Variants in SLCO3A1 observed in about 807,000 individuals in gnomAD.
SLCO3A1 encodes PGE1 transporter.
In SLCO3A1, 27 loss-of-function variants were observed where a neutral mutation model predicts 63.1. The ratio of observed to expected loss-of-function variants is 0.43; its 90% confidence interval spans 0.32 to 0.59. The LOEUF (loss-of-function observed/expected upper bound fraction) is 0.59, where lower values mean the gene tolerates loss of function less well. SLCO3A1 is among the 20% of genes least tolerant of loss of function. SLCO3A1 has a pLI of 0.09. For synonymous variants in SLCO3A1, 473 were observed against 409.9 expected (o/e 1.15, Z -1.86); for missense variants, 773 against 945.8 (o/e 0.82, Z 2.40).
chr15:91,952,021 T>C (rs1367293801), intron 2 of SLCO3A1, among the ~76,000 whole-genome samples: 3 of 152,212 alleles, frequency 2.0e-5, no homozygotes, highest in Non-Finnish European at 4.4e-5. Context: ...GTAATGTGGA[T>C]TCTTCACAGC....
intron 2 of SLCO3A1, among the ~76,000 whole-genome samples, chr15:92,048,629 C>G (rs528599385): frequency 6.6e-6 from 1 of 152,268 alleles, no homozygotes; most frequent in Non-Finnish European, 1.5e-5. Flanking sequence ...GTAACCCGTC[C>G]TCTCCCTGCA....
chr15:92,130,600 C>T (rs1336140838), intron 7 of SLCO3A1, among the ~76,000 whole-genome samples: 1 of 152,124 alleles, frequency 6.6e-6, no homozygotes, highest in African/African-American at 2.4e-5. Context: ...GCCTTAAAAA[C>T]AACCACAACC....
chr15:92,095,740 CTT>C (rs2047530728), intron 3 of SLCO3A1, among the ~76,000 whole-genome samples: 1 of 151,646 alleles, frequency 6.6e-6, no homozygotes, highest in Admixed American at 6.6e-5. Context: ...GTCAGGGAGA[CTT>C]GGCTCATCGT....
At chr15:92,144,718 G>A (rs148701005) in intron 7 of SLCO3A1, among the ~76,000 whole-genome samples, 12 of 152,320 alleles carry the variant, frequency 7.9e-5, no homozygotes, top group East Asian at 5.8e-4. Flanking sequence ...TCCAGCTCCC[G>A]TCCTTGCAGG....
At chr15:91,953,996 TA>T (rs1359233180) in intron 2 of SLCO3A1, among the ~76,000 whole-genome samples, 1 of 152,184 alleles carries the variant, frequency 6.6e-6, no homozygotes, top group East Asian at 1.9e-4. Context: ...TGTTTTTAAA[TA>T]GGGGTATGTC....
chr15:92,076,445 G>T (rs1366995212), intron 2 of SLCO3A1, among the ~76,000 whole-genome samples: 1 of 152,174 alleles, frequency 6.6e-6, no homozygotes, highest in African/African-American at 2.4e-5. Flanking sequence ...TAGGATTTCT[G>T]CTTTATCCTG....
intron 2 of SLCO3A1, among the ~76,000 whole-genome samples, chr15:92,013,247 G>T (rs1189140363): frequency 1.3e-5 from 2 of 152,258 alleles, no homozygotes; most frequent in East Asian, 1.9e-4. Flanking sequence ...TTACTCATCA[G>T]TTCTCTCGGC....
intron 4 of SLCO3A1, among the ~76,000 whole-genome samples, chr15:92,109,223 T>A (rs1005163898): frequency 6.6e-6 from 1 of 152,116 alleles, no homozygotes; most frequent in Admixed American, 6.6e-5. Context: ...GGCTTGTAGA[T>A]GGAAGGGAAA....
At chr15:91,904,580 C>T (rs1366656460) in intron 1 of SLCO3A1, among the ~76,000 whole-genome samples, 1 of 152,118 alleles carries the variant, frequency 6.6e-6, no homozygotes, top group Non-Finnish European at 1.5e-5. Flanking sequence ...TGTTTTGTGC[C>T]TGAGATACAC....
chr15:91,904,065 G>A (rs961214436), intron 1 of SLCO3A1, among the ~76,000 whole-genome samples: 2 of 131,608 alleles, frequency 1.5e-5, no homozygotes, highest in African/African-American at 5.9e-5. Flanking sequence ...GGGAGGGAGG[G>A]CCACGCTTTT....
intron 7 of SLCO3A1, among the ~76,000 whole-genome samples, chr15:92,140,583 C>A (rs182022996): frequency 1.1e-3 from 172 of 152,252 alleles, no homozygotes; most frequent in African/African-American, 3.9e-3. Flanking sequence ...TGGGGTGTTA[C>A]AAGTCTCCCA....
chr15:92,041,926 G>C (rs1055135823), intron 2 of SLCO3A1, among the ~76,000 whole-genome samples: 1 of 152,120 alleles, frequency 6.6e-6, no homozygotes, highest in African/African-American at 2.4e-5. Context: ...TTGGAGGGTT[G>C]GCAGGAAGTA....
chr15:92,111,598 G>T (rs1178941575), intron 4 of SLCO3A1, among the ~76,000 whole-genome samples: 1 of 152,188 alleles, frequency 6.6e-6, no homozygotes, highest in Non-Finnish European at 1.5e-5. Context: ...ACTGGCTTAA[G>T]TTCTTATCAA....
At chr15:91,877,346 T>C (rs1398191449) in intron 1 of SLCO3A1, among the ~76,000 whole-genome samples, 2 of 152,228 alleles carry the variant, frequency 1.3e-5, no homozygotes. Context: ...GATGTTCGTG[T>C]TCTTTGAAGC....
intron 8 of SLCO3A1, chr15:92,149,862 C>T (rs1241769778): frequency 2.0e-5 from 3 of 152,160 alleles, no homozygotes; most frequent in Non-Finnish European, 2.9e-5. Flanking sequence ...GAGAATTTGT[C>T]TCTATTTATG....
At chr15:92,009,898 T>C (rs771200265) in intron 2 of SLCO3A1, among the ~76,000 whole-genome samples, 3 of 152,172 alleles carry the variant, frequency 2.0e-5, no homozygotes, top group Admixed American at 1.3e-4. Context: ...ATTCATCCAA[T>C]AGAGGCATTT....
intron 4 of SLCO3A1, among the ~76,000 whole-genome samples, chr15:92,120,163 T>G (rs1015573330): frequency 6.6e-6 from 1 of 152,034 alleles, no homozygotes; most frequent in Non-Finnish European, 1.5e-5. Flanking sequence ...TCTTCTGACA[T>G]TGCTTTAAAA....
chr15:92,050,898 T>A (rs1597261319), intron 2 of SLCO3A1, among the ~76,000 whole-genome samples: 1 of 151,976 alleles, frequency 6.6e-6, no homozygotes, highest in South Asian at 2.1e-4. Flanking sequence ...TCAAACTCAC[T>A]CCCACTTAAG....
chr15:91,965,616 G>A (rs1900629383), intron 2 of SLCO3A1, among the ~76,000 whole-genome samples: 1 of 152,182 alleles, frequency 6.6e-6, no homozygotes, highest in Admixed American at 6.5e-5. Context: ...TGCCTAGGGA[G>A]TGGGAGTTGG....
Sources: gnomAD v4.1 joint callset for allele counts (sites outside exome capture counted in the v4.1 genomes callset) on GRCh38, gnomAD v4.1.1 for gene constraint, MANE v1.5 for transcripts, NCBI Gene and HGNC (gene_info 2026-07-23, HGNC 2026-07-21) for gene names.